FILIP1L: variants seen among roughly 807,000 people sequenced by gnomAD.
FILIP1L encodes filamin A-interacting protein 1-like.
A neutral mutation model predicts 96.6 loss-of-function variants in FILIP1L; 55 were observed. That is an observed-to-expected ratio of 0.57 (90% CI 0.46 to 0.71). FILIP1L has a LOEUF of 0.71. Ranked by LOEUF, FILIP1L falls within the 30% of genes least tolerant of loss-of-function variation. The pLI is 0.00. For missense variants in FILIP1L, 1,304 were observed against 1,321.2 expected (o/e 0.99, Z 0.20); for synonymous variants, 467 against 473.9 (o/e 0.99, Z 0.19).
chr3:99,928,793 G>T (rs1427736807), intron 3 of FILIP1L, among the ~76,000 whole-genome samples: 2 of 152,146 alleles, frequency 1.3e-5, no homozygotes, highest in African/African-American at 4.8e-5. Context: ...TGGGAGCCAG[G>T]ATACAGTTTT....
intron 1 of FILIP1L, among the ~76,000 whole-genome samples, chr3:99,944,968 A>G (rs1284311808): frequency 6.6e-6 from 1 of 152,220 alleles, no homozygotes; most frequent in East Asian, 1.9e-4. Flanking sequence ...ACTGTTCATT[A>G]TTCGGCTCAT....
chr3:100,087,789 T>C (rs1368046591), intron 1 of FILIP1L, among the ~76,000 whole-genome samples: 1 of 151,922 alleles, frequency 6.6e-6, no homozygotes, highest in Non-Finnish European at 1.5e-5. Flanking sequence ...TAAGGAATCT[T>C]TTCCTAACAC....
At chr3:99,880,621 C>G (rs113634580) in intron 4 of FILIP1L, among the ~76,000 whole-genome samples, 6,018 of 152,170 alleles carry the variant, frequency 0.04, 150 homozygotes, top group Non-Finnish European at 0.062. Context: ...GTTATTAAAA[C>G]ATTAAAATGA....
chr3:100,079,403 A>G (rs2065898553), intron 1 of FILIP1L, among the ~76,000 whole-genome samples: 1 of 152,232 alleles, frequency 6.6e-6, no homozygotes, highest in African/African-American at 2.4e-5. Flanking sequence ...ATATTTGTTG[A>G]CTGATAGTAC....
intron 1 of FILIP1L, among the ~76,000 whole-genome samples, chr3:100,044,218 A>G (rs921931306): frequency 6.6e-6 from 1 of 152,234 alleles, no homozygotes; most frequent in African/African-American, 2.4e-5. Context: ...AGCGTCTTCT[A>G]TGTGCCAGGC....
intron 1 of FILIP1L, among the ~76,000 whole-genome samples, chr3:100,053,608 G>T (rs1232068239): frequency 6.6e-6 from 1 of 152,200 alleles, no homozygotes; most frequent in African/African-American, 2.4e-5. Flanking sequence ...CACAGGTTTT[G>T]CTAGGTGCAT....
intron 1 of FILIP1L, among the ~76,000 whole-genome samples, chr3:99,991,049 G>GT (rs919868201): frequency 1.3e-5 from 2 of 152,104 alleles, no homozygotes; most frequent in Non-Finnish European, 2.9e-5. Flanking sequence ...TGGTCCATGA[G>GT]TTCCCGTAAG....
At chr3:99,979,824 G>A (rs375813860) in intron 1 of FILIP1L, among the ~76,000 whole-genome samples, 1 of 152,136 alleles carries the variant, frequency 6.6e-6, no homozygotes, top group Non-Finnish European at 1.5e-5. Flanking sequence ...ATTTAGTTGG[G>A]AGACAAGATG....
intron 1 of FILIP1L, among the ~76,000 whole-genome samples, chr3:100,058,833 G>A (rs998457178): frequency 3.9e-5 from 6 of 152,182 alleles, no homozygotes; most frequent in African/African-American, 1.4e-4. Flanking sequence ...CATATGTGAA[G>A]TTTAAAATAA....
At chr3:99,959,619 A>T (rs952277539) in intron 1 of FILIP1L, among the ~76,000 whole-genome samples, 1 of 152,188 alleles carries the variant, frequency 6.6e-6, no homozygotes, top group African/African-American at 2.4e-5. Context: ...AATTGAATTT[A>T]GTAATCTGTA....
Position 100,104,406 on chromosome 3 carries a change from A to G in FILIP1L, c.-11+9647T>C, listed in dbSNP as rs572429685. On this transcript the variant is annotated intron_variant, in intron 1 of 5. Transcript: ENST00000477258. ...TGAGCTACACTTTTTTTTACACAAG[A>G]AATGTGACCCACACTTTGTTTGAGA... is the stretch of plus-strand genomic sequence containing the variant. 4.6e-5 allele frequency among the ~76,000 whole-genome samples: 7 copies of G among 152,280 alleles called. No homozygotes were observed. The East Asian group carries it at 1.4e-3, about 29-fold the overall frequency.
intron 1 of FILIP1L, among the ~76,000 whole-genome samples, chr3:99,962,031 G>A (rs1417355837): frequency 6.6e-6 from 1 of 152,116 alleles, no homozygotes; most frequent in Non-Finnish European, 1.5e-5. Flanking sequence ...GGGATGTCGG[G>A]GAAATTTTTC....
intron 4 of FILIP1L, among the ~76,000 whole-genome samples, chr3:99,866,926 T>A (rs1417014386): frequency 2.0e-5 from 3 of 152,200 alleles, no homozygotes; most frequent in African/African-American, 7.2e-5. Context: ...TTAAAATTAT[T>A]TTGGTTATCT....
intron 4 of FILIP1L, 47 bp downstream of exon 4, chr3:99,924,183 G>A: frequency 6.6e-7 from 1 of 1,522,532 alleles, no homozygotes. Flanking sequence ...ACAGTGGCCA[G>A]CTCATAGATT....
chr3:100,064,665 CT>C (rs1303694652), intron 1 of FILIP1L, among the ~76,000 whole-genome samples: 1 of 152,214 alleles, frequency 6.6e-6, no homozygotes, highest in Non-Finnish European at 1.5e-5. Context: ...CCTAATGGAA[CT>C]TTTTATTTCC....
chr3:99,928,683 G>C (rs983189259), intron 3 of FILIP1L, among the ~76,000 whole-genome samples: 3 of 152,166 alleles, frequency 2.0e-5, no homozygotes, highest in Non-Finnish European at 4.4e-5. Flanking sequence ...TATGCCATTT[G>C]TAGAGTTTTG....
At position 100,086,231 on chromosome 3, in the gene FILIP1L, G is replaced by T. The variant is rs140265738; in HGVS notation, c.-11+27822C>A. Among the ~76,000 whole-genome samples, 4 of 152,260 alleles carry T rather than the reference G, an allele frequency of 2.6e-5. 1 individual carries two copies. The South Asian group carries it at 8.3e-4, about 32-fold the overall frequency. ...GCTTTATTTTATTCAGTCTCAAATA[G>T]TTAACCTATTGAGCTGATTAGAAAA... is the stretch of plus-strand genomic sequence containing the variant. On this transcript the variant is annotated intron_variant, in intron 1 of 5. Transcript: ENST00000477258.
intron 1 of FILIP1L, among the ~76,000 whole-genome samples, chr3:99,960,761 A>G (rs1322748948): frequency 6.6e-6 from 1 of 152,208 alleles, no homozygotes; most frequent in East Asian, 1.9e-4. Context: ...ATTTTCTGTT[A>G]TTGATTTTAT....
At chr3:99,990,097 T>A (rs1709468720) in intron 1 of FILIP1L, among the ~76,000 whole-genome samples, 1 of 152,180 alleles carries the variant, frequency 6.6e-6, no homozygotes, top group African/African-American at 2.4e-5. Context: ...GAAAGAGAAA[T>A]ATATTGAACT....
Sources: gnomAD v4.1 joint callset for allele counts (sites outside exome capture counted in the v4.1 genomes callset) on GRCh38, gnomAD v4.1.1 for gene constraint, MANE v1.5 for transcripts, NCBI Gene and HGNC (gene_info 2026-07-23, HGNC 2026-07-21) for gene names.